The following MYADM variants were observed in gnomAD, a reference collection of about 807,000 sequenced individuals.
MYADM encodes myeloid-associated differentiation marker.
For synonymous variants in MYADM, 224 were observed against 210.2 expected (o/e 1.07, Z -0.57); for missense variants, 416 against 443.4 (o/e 0.94, Z 0.56).
At chr19:53,870,529 C>G (rs1568731410) in intron 2 of MYADM, among the ~76,000 whole-genome samples, 1 of 151,944 alleles carries the variant, frequency 6.6e-6, no homozygotes, top group Non-Finnish European at 1.5e-5. Context: ...AGCTTGGGCT[C>G]CAAGGAATAG....
upstream of MYADM, among the ~76,000 whole-genome samples, chr19:53,867,568 C>G (rs2068263790): frequency 6.6e-6 from 1 of 152,190 alleles, no homozygotes; most frequent in South Asian, 2.1e-4. Flanking sequence ...ACCCGGGAGA[C>G]TCCTCTAGGG....
At chr19:53,867,706 GCTA>G (rs761783504), upstream of MYADM, among the ~76,000 whole-genome samples, 6 of 152,156 alleles carry the variant, frequency 3.9e-5, no homozygotes, top group East Asian at 5.8e-4. Context: ...GGAGCTCCAC[GCTA>G]CTTTTACTCT....
chr19:53,870,833 G>A (rs1347591442), intron 2 of MYADM, among the ~76,000 whole-genome samples: 1 of 152,182 alleles, frequency 6.6e-6, no homozygotes, highest in Non-Finnish European at 1.5e-5. Flanking sequence ...GGTGGAAGCT[G>A]TAGGTTTTGC....
At position 53,874,032 on chromosome 19, in the gene MYADM, A is replaced by G. The variant is rs751392745; in HGVS notation, c.503A>G (p.Tyr168Cys). 1.2e-6 allele frequency: 2 copies of G among 1,609,094 alleles called. No individual in the cohort carries two copies. The highest frequency in any genetic ancestry group is 2.2e-5 in the East Asian group (1 of 44,876). The stretch of plus-strand genomic sequence containing the variant: ...GCCCGGCCCGGCGAGATCACTGGCT[A>G]TATGGCCACCGTACCCGGGCTGCTG... ...TRARPGEITG[Y>C]MATVPGLLKV... Residue 168 changes from tyrosine to cysteine, a missense_variant, in exon 3 of 3, where the codon TAT (tyrosine) becomes TGT (cysteine). Coordinates refer to ENST00000391770, the MANE Select transcript of MYADM (RefSeq NM_138373.5).
At position 53,874,037 on chromosome 19, in the gene MYADM, G is replaced by T. The variant is rs1011921382; in HGVS notation, c.508G>T (p.Ala170Ser). The change falls in exon 3 of 3, where the codon GCC becomes TCC. Residue 170 changes from alanine (A) to serine (S), a missense_variant. Ala to Ser is a moderately conservative substitution (Grantham distance 99). Transcript: ENST00000391770. ...ARPGEITGYMATVPGLLKVLE... is the reference protein window; with the variant it reads ...ARPGEITGYMSTVPGLLKVLE... ...GCCCGGCGAGATCACTGGCTATATG[G>T]CCACCGTACCCGGGCTGCTGAAGGT... 3.7e-6 allele frequency: 6 copies of T among 1,609,126 alleles called. No individual in the cohort carries two copies. Among genetic ancestry groups the T allele is most frequent in the Non-Finnish European group, 5.1e-6 (6 of 1,180,018 alleles).
In MYADM at chr19:53,874,612, C is replaced by T; in HGVS notation, c.*114C>T. 1 of 1,240,440 alleles carries T rather than the reference C, an allele frequency of 8.1e-7. No homozygotes were observed. The highest frequency in any genetic ancestry group is 1.5e-5 in the African/African-American group (1 of 65,554). 76.8% of individuals were successfully genotyped at this position (1,240,440 alleles called of 1,614,324 possible). A position where few individuals can be genotyped will look rare whatever the true frequency, so the allele number is the denominator to read the frequency against. On this transcript the variant is annotated 3_prime_UTR_variant, in exon 3 of 3. Transcript: ENST00000391770. ...TTCCTCTGTTTTCCTCTTCCTGTCT[C>T]CCCTCCCTCCCACCTTTTTCTTTCC...
chr19:53,866,704 C>T (rs2068251204), upstream of MYADM, among the ~76,000 whole-genome samples: 1 of 151,462 alleles, frequency 6.6e-6, no homozygotes, highest in Non-Finnish European at 1.5e-5. The surrounding 1 kb of genome is among the most constrained non-coding windows in gnomAD (Gnocchi z 4.3). Flanking sequence ...CTGAGTCCCT[C>T]CCTCCATCCA....
rs2068450065 is a variant in MYADM at position 53,873,836 on chromosome 19, A to G, written c.307A>G (p.Ile103Val). 1.2e-6 allele frequency: 2 copies of G among 1,613,338 alleles called. No homozygotes were observed. The highest frequency in any genetic ancestry group is 1.7e-5 in the Admixed American group (1 of 60,002). Residue 103 changes from isoleucine to valine, a missense_variant, in exon 3 of 3, where the codon ATC (isoleucine) becomes GTC (valine). By Grantham distance (29) the Ile-to-Val change is conservative. Coordinates refer to ENST00000391770, the MANE Select transcript of MYADM (RefSeq NM_138373.5). This position sits in a 1 kb window ranked among gnomAD's most constrained non-coding sequence, Gnocchi z 4.3. ...CCCCCTGTCTTGGCGCAACTTCCCC[A>G]TCACCTTCGCCTGCTATGCGGCCCT... is the stretch of plus-strand genomic sequence containing the variant. ...RFPLSWRNFP[I>V]TFACYAALFC...
At chr19:53,865,816 A>G, upstream of MYADM, 1 of 152,304 alleles carries the variant, frequency 6.6e-6, no homozygotes, top group Non-Finnish European at 1.5e-5. Context: ...TAATTTAGGC[A>G]GGAAGGGGAA....
intron 2 of MYADM, among the ~76,000 whole-genome samples, chr19:53,870,603 G>A (rs192804450): frequency 1.6e-4 from 24 of 152,294 alleles, no homozygotes; most frequent in African/African-American, 5.3e-4. Flanking sequence ...TTGTCTCAGG[G>A]AGCTGCTGTC....
In MYADM at chr19:53,873,928, G is replaced by T; in HGVS notation, c.399G>T (p.Ser133=). 2 of 1,611,804 alleles carry T rather than the reference G, an allele frequency of 1.2e-6. No individual in the cohort carries two copies. Among genetic ancestry groups the T allele is most frequent in the Non-Finnish European group, 1.7e-6 (2 of 1,180,014 alleles). Residue 133 remains serine (S), a synonymous_variant, in exon 3 of 3, where the codon TCG becomes TCT. Transcript: ENST00000391770. This position sits in a 1 kb window ranked among gnomAD's most constrained non-coding sequence, Gnocchi z 4.3. ...TCCAGTTCCTGTCCCACGGCCGTTCGCGGGACCACGCCATCGCCGCCACCT... is the reference window on the plus strand; with the variant it reads ...TCCAGTTCCTGTCCCACGGCCGTTCTCGGGACCACGCCATCGCCGCCACCT... ...TYVQFLSHGR[S]RDHAIAATFF...
At position 53,875,003 on chromosome 19, in the gene MYADM, T is replaced by A; in HGVS notation, c.*505T>A. 6.0e-6 allele frequency: 1 copy of A among 167,282 alleles called. No individual in the cohort carries two copies. 10.4% of individuals were successfully genotyped at this position (167,282 alleles called of 1,614,324 possible). On this transcript the variant is annotated 3_prime_UTR_variant, in exon 3 of 3. Coordinates refer to ENST00000391770, the MANE Select transcript of MYADM (RefSeq NM_138373.5). ...TTTCTGGGTTGCCTGTCGGCTTTCT[T>A]ATCTGCCTGTTTTGCAAGCACCTTC...
Position 53,873,869 on chromosome 19 carries a change from C to G in MYADM, c.340C>G (p.Leu114Val), listed in dbSNP as rs1193883495. 1 of 1,613,426 alleles carries G rather than the reference C, an allele frequency of 6.2e-7. No homozygotes were observed. Among genetic ancestry groups the G allele is most frequent in the South Asian group, 1.1e-5 (1 of 91,090 alleles). The change falls in exon 3 of 3, where the codon CTC (leucine) becomes GTC (valine). Residue 114 changes from leucine (L) to valine (V), a missense_variant. Physicochemically the swap from Leu to Val is conservative, Grantham distance 32. Coordinates refer to ENST00000391770, the MANE Select transcript of MYADM (RefSeq NM_138373.5). The surrounding 1 kb of genome is among the most constrained non-coding windows in gnomAD (Gnocchi z 4.3). Reference sequence around the variant, plus strand: ...CGCCTGCTATGCGGCCCTCTTCTGCCTCTCGGCCTCCATCATCTACCCCAC... The same window carrying G: ...CGCCTGCTATGCGGCCCTCTTCTGCGTCTCGGCCTCCATCATCTACCCCAC... ...TFACYAALFC[L>V]SASIIYPTTY...
Position 53,874,611 on chromosome 19 carries a change from TC to T in MYADM, c.*117del. Reference sequence around the variant, plus strand: ...TTTCCTCTGTTTTCCTCTTCCTGTCTCCCCTCCCTCCCACCTTTTTCTTTCC... The same window carrying T: ...TTTCCTCTGTTTTCCTCTTCCTGTCTCCCTCCCTCCCACCTTTTTCTTTCC... On this transcript the variant is annotated 3_prime_UTR_variant, in exon 3 of 3. Transcript: ENST00000391770. 1 of 1,239,188 alleles carries T rather than the reference TC, an allele frequency of 8.1e-7. No homozygotes were observed. Among genetic ancestry groups the T allele is most frequent in the Non-Finnish European group, 1.1e-6 (1 of 904,756 alleles). The allele number at this position is 1,239,188 out of a possible 1,614,324, so 76.8% of individuals were successfully genotyped here. A position where few individuals can be genotyped will look rare whatever the true frequency, so the allele number is the denominator to read the frequency against.
At chr19:53,867,587 A>T (rs1420139149), upstream of MYADM, among the ~76,000 whole-genome samples, 1 of 152,200 alleles carries the variant, frequency 6.6e-6, no homozygotes, top group South Asian at 2.1e-4. Context: ...GGCTGTGTCG[A>T]GGAGGGCAGC....
At chr19:53,872,525 TG>T (rs200877570) in intron 2 of MYADM, among the ~76,000 whole-genome samples, 7 of 149,172 alleles carry the variant, frequency 4.7e-5, no homozygotes, top group African/African-American at 1.8e-4. Context: ...TTTTTTTTTT[TG>T]AGTCAGGGTC....
chr19:53,866,281 G>C (rs2068243822), upstream of MYADM: 1 of 152,060 alleles, frequency 6.6e-6, no homozygotes, highest in Non-Finnish European at 1.5e-5. The surrounding 1 kb of genome is among the most constrained non-coding windows in gnomAD (Gnocchi z 4.3). Context: ...TCAGTTGTCG[G>C]CCCTGGAAGG....
chr19:53,870,349 T>G (rs10415566), intron 2 of MYADM, among the ~76,000 whole-genome samples: 73 of 75,370 alleles, frequency 9.7e-4, no homozygotes, highest in African/African-American at 5.2e-3. Context: ...TCTGGACTCC[T>G]GGGTCCGAGG....
chr19:53,869,424 T>C (rs1015654607), intron 1 of MYADM: 21 of 152,320 alleles, frequency 1.4e-4, no homozygotes, highest in African/African-American at 5.1e-4. Flanking sequence ...GAAGCCCTTA[T>C]AAGGCGCGGA....
Sources: allele counts gnomAD v4.1 joint callset (sites outside exome capture counted in the v4.1 genomes callset), GRCh38; gene constraint gnomAD v4.1.1; non-coding constraint Gnocchi (gnomAD v3.1); transcripts MANE v1.5; gene names NCBI Gene and HGNC (gene_info 2026-07-23, HGNC 2026-07-21).